Variants in CACNA1C observed in about 807,000 individuals in gnomAD.
CACNA1C encodes the protein voltage-dependent L-type calcium channel subunit alpha-1C.
CACNA1C carries 30 observed loss-of-function variants against 229.0 expected under a neutral mutation model. The ratio of observed to expected loss-of-function variants is 0.13; its 90% confidence interval spans 0.10 to 0.18. The LOEUF (loss-of-function observed/expected upper bound fraction) is 0.18, where lower values mean the gene tolerates loss of function less well. Ranked by LOEUF, CACNA1C falls within the 10% of genes least tolerant of loss-of-function variation. The pLI is 1.00. For missense variants in CACNA1C, 1,658 were observed against 2,845.0 expected (o/e 0.58, Z 9.49); for synonymous variants, 1,114 against 1,132.5 (o/e 0.98, Z 0.33).
chr12:2,373,130 A>G (rs1332214769), intron 3 of CACNA1C, among the ~76,000 whole-genome samples: 1 of 152,212 alleles, frequency 6.6e-6, no homozygotes, highest in Non-Finnish European at 1.5e-5. Flanking sequence ...AGAGACTTTC[A>G]GCGAAGGAGG....
chr12:2,426,772 A>G (rs1285710957), intron 3 of CACNA1C, among the ~76,000 whole-genome samples: 5 of 152,196 alleles, frequency 3.3e-5, no homozygotes, highest in Admixed American at 2.6e-4. Context: ...TCATAGTGGC[A>G]TTGGCTGATA....
Position 2,567,584 on chromosome 12 carries a change from C to A in CACNA1C, c.1685C>A (p.Ala562Asp). The A allele has an allele frequency of 1.3e-6, 2 of 1,589,580 alleles. No homozygotes were observed. Among genetic ancestry groups the A allele is most frequent in the Non-Finnish European group, 1.7e-6 (2 of 1,167,546 alleles). ...LTEVQDTANK[A>D]LLALFTAEML... The stretch of plus-strand genomic sequence containing the variant: ...GGCCTGCCAGACACGGCAAACAAGG[C>A]CCTGCTGGCCCTGTTCACGGCAGAG... The change falls in exon 13 of 47, where the codon GCC (alanine) becomes GAC (aspartate). Residue 562 changes from alanine (A) to aspartate (D), a missense_variant. Physicochemically the swap from Ala to Asp is moderately radical, Grantham distance 126. This residue lies in a region of CACNA1C where 149 missense variants were observed against 194.2 expected (regional missense o/e 0.77). Transcript: ENST00000399655.
At chr12:2,013,363 G>A (rs1048346494) in intron 1 of CACNA1C, among the ~76,000 whole-genome samples, 3 of 152,152 alleles carry the variant, frequency 2.0e-5, no homozygotes, top group Admixed American at 2.0e-4. Context: ...TTTATATCCT[G>A]CACAAAAGAG....
intron 6 of CACNA1C, among the ~76,000 whole-genome samples, chr12:2,487,058 G>T (rs956141383): frequency 5.3e-5 from 8 of 152,208 alleles, no homozygotes; most frequent in Non-Finnish European, 1.0e-4. Context: ...TAACATCGCA[G>T]CTTGGCCTTT....
chr12:2,503,243 A>T (rs975509542), intron 7 of CACNA1C, among the ~76,000 whole-genome samples: 3 of 152,016 alleles, frequency 2.0e-5, no homozygotes, highest in African/African-American at 7.2e-5. Context: ...TCCCCAGGTG[A>T]CGCTGAAGCT....
chr12:2,164,260 C>A (rs183585457), intron 3 of CACNA1C, among the ~76,000 whole-genome samples: 4 of 152,356 alleles, frequency 2.6e-5, no homozygotes, highest in East Asian at 3.9e-4. Context: ...GCTTTCCTTC[C>A]TCTCTCACAG....
intron 9 of CACNA1C, among the ~76,000 whole-genome samples, chr12:2,549,472 G>A (rs563617559): frequency 3.9e-5 from 6 of 152,330 alleles, no homozygotes; most frequent in Non-Finnish European, 8.8e-5. Flanking sequence ...TAGCAAGCAC[G>A]CCCTTTCTAC....
At chr12:2,432,778 T>C (rs912790417) in intron 3 of CACNA1C, among the ~76,000 whole-genome samples, 1 of 152,220 alleles carries the variant, frequency 6.6e-6, no homozygotes, top group Non-Finnish European at 1.5e-5. Context: ...TGTGCTATAC[T>C]GTCTTCATCT....
At chr12:2,243,088 T>C (rs2071314823) in intron 3 of CACNA1C, among the ~76,000 whole-genome samples, 1 of 152,238 alleles carries the variant, frequency 6.6e-6, no homozygotes. Context: ...TGTTAAGTGC[T>C]ATGTGGGTGC....
At chr12:2,483,380 C>T (rs1461944101) in intron 5 of CACNA1C, among the ~76,000 whole-genome samples, 1 of 152,134 alleles carries the variant, frequency 6.6e-6, no homozygotes, top group Non-Finnish European at 1.5e-5. Flanking sequence ...GACTGGGCAA[C>T]ACTGGAACCC....
chr12:2,632,505 G>A lies in CACNA1C; in HGVS notation c.3829-1792G>A, dbSNP rs115536950. Among the ~76,000 whole-genome samples, 197 of 152,290 alleles carry A rather than the reference G, an allele frequency of 1.3e-3. 1 individual carries two copies. The highest frequency in any genetic ancestry group is 4.4e-3 in the African/African-American group (182 of 41,562). ...GGACAGCCCATTCCTTGGTTGACCT[G>A]TTGTCCAAGTACATGAAAAAAGTCT... On this transcript the variant is annotated intron_variant, in intron 29 of 46. Coordinates refer to ENST00000399655, the MANE Select transcript of CACNA1C (RefSeq NM_000719.7). This position sits in a 1 kb window ranked among gnomAD's most constrained non-coding sequence, Gnocchi z 4.1.
At chr12:2,447,165 G>A (rs1024974136) in intron 3 of CACNA1C, among the ~76,000 whole-genome samples, 5 of 152,180 alleles carry the variant, frequency 3.3e-5, no homozygotes, top group African/African-American at 1.2e-4. Flanking sequence ...CCTGTGCTGT[G>A]TTGTCTCATG....
chr12:2,268,699 C>T (rs527352026), intron 3 of CACNA1C, among the ~76,000 whole-genome samples: 42 of 152,282 alleles, frequency 2.8e-4, no homozygotes, highest in African/African-American at 8.4e-4. Context: ...GACCAAACCA[C>T]GGGAAGGGCT....
chr12:2,650,031 C>A (rs975816901), intron 31 of CACNA1C, among the ~76,000 whole-genome samples: 1 of 152,218 alleles, frequency 6.6e-6, no homozygotes, highest in Non-Finnish European at 1.5e-5. Context: ...CTTGACCCAG[C>A]CCCTCAGGTA....
chr12:2,198,894 A>G (rs2097501951), intron 3 of CACNA1C, among the ~76,000 whole-genome samples: 1 of 152,138 alleles, frequency 6.6e-6, no homozygotes, highest in African/African-American at 2.4e-5. Flanking sequence ...ATCATATGTT[A>G]TGGTTTATTA....
At chr12:2,283,197 G>T (rs995365256) in intron 3 of CACNA1C, among the ~76,000 whole-genome samples, 3 of 152,186 alleles carry the variant, frequency 2.0e-5, no homozygotes, top group Admixed American at 1.3e-4. Flanking sequence ...GAGTGTGTCA[G>T]TGTGGCTGGA....
At position 2,593,297 on chromosome 12, in the gene CACNA1C, T is replaced by C. The variant is rs1212862331; in HGVS notation, c.2615T>C (p.Val872Ala). ...LSELHLKEKA[V>A]PMPEASAFFI... ...GAGCTTCACCTTAAGGAAAAGGCAGTGCCCATGCCAGAAGCCAGCGCGTTT... is the reference window on the plus strand; with the variant it reads ...GAGCTTCACCTTAAGGAAAAGGCAGCGCCCATGCCAGAAGCCAGCGCGTTT... The change falls in exon 19 of 47, where the codon GTG becomes GCG. Residue 872 changes from valine to alanine, a missense_variant. Val to Ala is a moderately conservative substitution (Grantham distance 64). Coordinates refer to ENST00000399655, the MANE Select transcript of CACNA1C (RefSeq NM_000719.7). 6.2e-7 allele frequency: 1 copy of C among 1,613,706 alleles called. No individual in the cohort carries two copies. Among genetic ancestry groups the C allele is most frequent in the African/African-American group, 1.3e-5 (1 of 74,918 alleles).
rs568320428 is a variant in CACNA1C at position 2,679,094 on chromosome 12, T to C, written c.5092-350T>C. Among the ~76,000 whole-genome samples the C allele has an allele frequency of 5.3e-5, 8 of 152,304 alleles. No homozygotes were observed. The highest frequency in any genetic ancestry group is 4.6e-4 in the Admixed American group (7 of 15,300). On this transcript the variant is annotated intron_variant, in intron 41 of 46. Coordinates refer to ENST00000399655, the MANE Select transcript of CACNA1C (RefSeq NM_000719.7). This position sits in a 1 kb window ranked among gnomAD's most constrained non-coding sequence, Gnocchi z 5.5. ...CTCTTAGGGACCACCATCCTAGACGTGCCCTGGAAACTCACTCCCAGCCTT... is the reference window on the plus strand; with the variant it reads ...CTCTTAGGGACCACCATCCTAGACGCGCCCTGGAAACTCACTCCCAGCCTT...
At chr12:2,099,367 G>T (rs2075493144) in intron 1 of CACNA1C, among the ~76,000 whole-genome samples, 1 of 152,118 alleles carries the variant, frequency 6.6e-6, no homozygotes, top group African/African-American at 2.4e-5. Context: ...GGCTGGAGTT[G>T]AGACGGCTGC....
Sources: gnomAD v4.1 joint callset for allele counts (sites outside exome capture counted in the v4.1 genomes callset) on GRCh38, gnomAD v4.1.1 for gene constraint, gnomAD v4.1.1 regional missense constraint, Gnocchi (gnomAD v3.1) non-coding constraint, MANE v1.5 for transcripts, NCBI Gene and HGNC (gene_info 2026-07-23, HGNC 2026-07-21) for gene names.